The following SLC8A3 variants were observed in gnomAD, a reference collection of about 807,000 sequenced individuals.
SLC8A3 encodes the protein solute carrier family 8 member A3, also known as sodium/calcium exchanger 3.
SLC8A3 carries 37 observed loss-of-function variants against 65.4 expected under a neutral mutation model. That is an observed-to-expected ratio of 0.57 (90% CI 0.44 to 0.74). The LOEUF is 0.74. SLC8A3 is among the 30% of genes least tolerant of loss of function. The pLI is 0.00. For synonymous variants in SLC8A3, 461 were observed against 444.5 expected (o/e 1.04, Z -0.47); for missense variants, 1,112 against 1,172.1 (o/e 0.95, Z 0.75).
chr14:70,167,428 A>G lies in SLC8A3; in HGVS notation c.995T>C (p.Leu332Ser). The change falls in exon 2 of 7, where the codon TTA becomes TCA. Residue 332 changes from leucine to serine, a missense_variant. Leu to Ser is a moderately radical substitution (Grantham distance 145). Transcript: ENST00000356921. ...DLKQKHPEKDLDQLVEMANYY... is the reference protein window; with the variant it reads ...DLKQKHPEKDSDQLVEMANYY... ...ATTGGCCATCTCCACCAGCTGATCTAAGTCCTTCTCTGGGTGTTTTTGCTT... is the reference window on the plus strand; with the variant it reads ...ATTGGCCATCTCCACCAGCTGATCTGAGTCCTTCTCTGGGTGTTTTTGCTT... The G allele has an allele frequency of 6.2e-7, 1 of 1,614,046 alleles. No individual in the cohort carries two copies. The highest frequency in any genetic ancestry group is 8.5e-7 in the Non-Finnish European group (1 of 1,180,002).
Position 70,166,963 on chromosome 14 carries a change from A to T in SLC8A3, c.1460T>A (p.Val487Asp). The stretch of plus-strand genomic sequence containing the variant: ...CTCTGGCTGCTCCTCCTCTATGCGG[A>T]CATTGCTCAACCTTACAAAGAAGTG... ...DEHFFVRLSNVRIEEEQPEEG... is the reference protein window; with the variant it reads ...DEHFFVRLSNDRIEEEQPEEG... The change falls in exon 2 of 7, where the codon GTC (valine) becomes GAC (aspartate). Residue 487 changes from valine (V) to aspartate (D), a missense_variant. Val to Asp is a radical substitution (Grantham distance 152, BLOSUM62 -3). Transcript: ENST00000356921. The T allele has an allele frequency of 6.2e-7, 1 of 1,614,138 alleles. No homozygotes were observed. Among genetic ancestry groups the T allele is most frequent in the Non-Finnish European group, 8.5e-7 (1 of 1,180,014 alleles).
chr14:70,088,523 C>A (rs374889682), intron 2 of SLC8A3, among the ~76,000 whole-genome samples: 5 of 152,192 alleles, frequency 3.3e-5, no homozygotes, highest in African/African-American at 1.2e-4. Flanking sequence ...CATTGAAGAC[C>A]TGGCTCATAG....
chr14:70,117,879 C>T (rs1200364923), intron 2 of SLC8A3, among the ~76,000 whole-genome samples: 2 of 152,156 alleles, frequency 1.3e-5, no homozygotes, highest in Non-Finnish European at 2.9e-5. Context: ...CATTCAAACC[C>T]GATAATCCTA....
chr14:70,067,157 T>C (rs1282052918), intron 2 of SLC8A3, among the ~76,000 whole-genome samples: 1 of 151,752 alleles, frequency 6.6e-6, no homozygotes, highest in African/African-American at 2.4e-5. Flanking sequence ...CTAAGGGCAA[T>C]CCCCTTGCTA....
chr14:70,173,568 T>C (rs1897680998), intron 1 of SLC8A3, among the ~76,000 whole-genome samples: 1 of 152,172 alleles, frequency 6.6e-6, no homozygotes, highest in Admixed American at 6.5e-5. Context: ...AAATTCTCCC[T>C]CCTGCTATGC....
intron 2 of SLC8A3, among the ~76,000 whole-genome samples, chr14:70,165,734 G>A (rs7149304): frequency 0.11 from 16,134 of 152,198 alleles, 1,166 homozygotes; most frequent in Non-Finnish European, 0.16. Flanking sequence ...GAGGCCTTAG[G>A]GTAATAGAGG....
At chr14:70,138,208 C>A (rs1566804819) in intron 2 of SLC8A3, among the ~76,000 whole-genome samples, 2 of 152,084 alleles carry the variant, frequency 1.3e-5, no homozygotes, top group Non-Finnish European at 2.9e-5. Context: ...GGGAGGAGAA[C>A]AGCCCATGGT....
In SLC8A3 at chr14:70,167,140, G is replaced by A. The variant is rs1237492788; in HGVS notation, c.1283C>T (p.Thr428Ile). 4 of 1,614,010 alleles carry A rather than the reference G, an allele frequency of 2.5e-6. No homozygotes were observed. Among genetic ancestry groups the A allele is most frequent in the Non-Finnish European group, 3.4e-6 (4 of 1,179,936 alleles). ...VVRKGGDMSKTMYVDYKTEDG... is the reference protein window; with the variant it reads ...VVRKGGDMSKIMYVDYKTEDG... ...CTCTGTTTTGTAGTCCACATACATG[G>A]TCTTTGACATGTCTCCCCCTTTCCT... The change falls in exon 2 of 7, where the codon ACC becomes ATC. Residue 428 changes from threonine to isoleucine, a missense_variant. By Grantham distance (89) the Thr-to-Ile change is moderately conservative (BLOSUM62 -1). Coordinates refer to ENST00000356921, the MANE Select transcript of SLC8A3 (RefSeq NM_182932.3).
At chr14:70,172,443 C>A (rs1020212323) in intron 1 of SLC8A3, among the ~76,000 whole-genome samples, 9 of 152,150 alleles carry the variant, frequency 5.9e-5, no homozygotes, top group African/African-American at 1.9e-4. Flanking sequence ...TGTAGAATGT[C>A]CACGGCCTCC....
intron 2 of SLC8A3, among the ~76,000 whole-genome samples, chr14:70,152,528 CT>C (rs5809470): frequency 0.23 from 34,103 of 147,974 alleles, 4,306 homozygotes; most frequent in Middle Eastern, 0.3. Context: ...CAAGTTCAGT[CT>C]TTTTTTTTTT....
At chr14:70,062,499 A>G (rs1412617383) in intron 2 of SLC8A3, among the ~76,000 whole-genome samples, 2 of 152,238 alleles carry the variant, frequency 1.3e-5, no homozygotes, top group Non-Finnish European at 2.9e-5. Context: ...GTACAAGCAC[A>G]TGCTGTACAG....
chr14:70,162,193 T>G (rs17107890), intron 2 of SLC8A3, among the ~76,000 whole-genome samples: 2 of 152,188 alleles, frequency 1.3e-5, no homozygotes, highest in Admixed American at 1.3e-4. Flanking sequence ...ATATTCTTTT[T>G]GAAGTTAACA....
At chr14:70,121,648 G>A (rs1408742200) in intron 2 of SLC8A3, among the ~76,000 whole-genome samples, 1 of 152,282 alleles carries the variant, frequency 6.6e-6, no homozygotes. Context: ...GGAAGAACCA[G>A]TGGTTACCTT....
chr14:70,048,950 G>A lies in SLC8A3; in HGVS notation c.2206C>T (p.Leu736=), dbSNP rs1887126589. 6.2e-7 allele frequency: 1 copy of A among 1,614,248 alleles called. No individual in the cohort carries two copies. Among genetic ancestry groups the A allele is most frequent in the Non-Finnish European group, 8.5e-7 (1 of 1,180,046 alleles). ...TCTGTGGGGGGCACACAGGCAAACA[G>A]CACCTTCCAGAAGACAGTCAGGAAG... ...MHFLTVFWKV[L]FACVPPTEYC... Residue 736 remains leucine (L), a synonymous_variant, in exon 6 of 7, where the codon CTG becomes TTG. Coordinates refer to ENST00000356921, the MANE Select transcript of SLC8A3 (RefSeq NM_182932.3).
At chr14:70,051,216 C>G in intron 4 of SLC8A3, 109 bp from the exon 5 acceptor site, 1 of 734,778 alleles carries the variant, frequency 1.4e-6, no homozygotes. Flanking sequence ...GGTGTTCTGA[C>G]AGTTACGCAT....
At chr14:70,148,855 C>A (rs1002202447) in intron 2 of SLC8A3, among the ~76,000 whole-genome samples, 1 of 152,072 alleles carries the variant, frequency 6.6e-6, no homozygotes, top group Non-Finnish European at 1.5e-5. Flanking sequence ...GGAAGAGATG[C>A]GAGTGGGGCC....
At position 70,045,398 on chromosome 14, in the gene SLC8A3, A is replaced by T. The variant is rs757366460; in HGVS notation, c.*549T>A. On this transcript the variant is annotated 3_prime_UTR_variant, in exon 7 of 7. Transcript: ENST00000356921. ...TTCCTTTGTGGCACCTTTTTCACTC[A>T]CTTCAGAAAAAAAAGACAAAACAAA... is the stretch of plus-strand genomic sequence containing the variant. 2 of 152,068 alleles carry T rather than the reference A, an allele frequency of 1.3e-5. No individual in the cohort carries two copies. The highest frequency in any genetic ancestry group is 2.4e-5 in the African/African-American group (1 of 41,382). The allele number at this position is 152,068 out of a possible 1,614,324, so 9.4% of individuals were successfully genotyped here. A position where few individuals can be genotyped will look rare whatever the true frequency, so the allele number is the denominator to read the frequency against.
In SLC8A3 at chr14:70,045,717, T is replaced by C; in HGVS notation, c.*230A>G. On this transcript the variant is annotated 3_prime_UTR_variant, in exon 7 of 7. Coordinates refer to ENST00000356921, the MANE Select transcript of SLC8A3 (RefSeq NM_182932.3). The stretch of plus-strand genomic sequence containing the variant: ...AGGTGGATTTGTTGCTGTTGCTTGT[T>C]TGTATTCAATTAAATACTGTGTAAA... The C allele has an allele frequency of 4.8e-6, 2 of 415,990 alleles. No homozygotes were observed. The highest frequency in any genetic ancestry group is 4.3e-6 in the Non-Finnish European group (1 of 232,582). 25.8% of individuals were successfully genotyped at this position (415,990 alleles called of 1,614,324 possible).
At position 70,167,572 on chromosome 14, in the gene SLC8A3, C is replaced by A. The variant is rs750330037; in HGVS notation, c.851G>T (p.Gly284Val). 1 of 1,614,038 alleles carries A rather than the reference C, an allele frequency of 6.2e-7. No individual in the cohort carries two copies. Among genetic ancestry groups the A allele is most frequent in the East Asian group, 2.2e-5 (1 of 44,864 alleles). The change falls in exon 2 of 7, where the codon GGC (glycine) becomes GTC (valine). Residue 284 changes from glycine (G) to valine (V), a missense_variant. Coordinates refer to ENST00000356921, the MANE Select transcript of SLC8A3 (RefSeq NM_182932.3). The stretch of plus-strand genomic sequence containing the variant: ...CATCATTTTCCCATCCATCTCAATG[C>A]CCTTAGGGTGGTCACCCTCTGTCTC... ...IIETEGDHPKGIEMDGKMMNS... is the reference protein window; with the variant it reads ...IIETEGDHPKVIEMDGKMMNS...
Sources: gnomAD v4.1 joint callset for allele counts (sites outside exome capture counted in the v4.1 genomes callset) on GRCh38, gnomAD v4.1.1 for gene constraint, MANE v1.5 for transcripts, NCBI Gene and HGNC (gene_info 2026-07-23, HGNC 2026-07-21) for gene names.